VPS41: variants seen among roughly 807,000 people sequenced by gnomAD.
VPS41 encodes vacuolar protein sorting-associated protein 41 homolog.
A neutral mutation model predicts 130.9 loss-of-function variants in VPS41; 85 were observed. That is an observed-to-expected ratio of 0.65 (90% confidence interval 0.55 to 0.78). The LOEUF (loss-of-function observed/expected upper bound fraction) is 0.78, where lower values mean the gene tolerates loss of function less well. VPS41 is among the 30% of genes least tolerant of loss of function. The pLI is 0.00. For synonymous variants in VPS41, 335 were observed against 332.9 expected, an observed-to-expected ratio of 1.01 and a Z score of -0.07; for missense variants, 874 against 1,018.7, an observed-to-expected ratio of 0.86 and a Z score of 1.93.
In VPS41 at chr7:38,789,832, C is replaced by T; in HGVS notation, c.753G>A (p.Met251Ile). ...CAACATATCGACTTGGCAAATCCCT[C>T]ATTTCACTGGCATGCCGTTCCTTCA... ...CSVKERHASE[M>I]RDLPSRYVEI... is the part of the protein sequence containing the mutation. Residue 251 changes from methionine to isoleucine, a missense_variant, in exon 10 of 29, where the codon ATG (methionine) becomes ATA (isoleucine). By Grantham distance (10) the Met-to-Ile change is conservative (BLOSUM62 1). Transcript: ENST00000310301. 1.2e-6 allele frequency: 2 copies of T among 1,613,806 alleles called. No individual in the cohort carries two copies. Among genetic ancestry groups the T allele is most frequent in the Non-Finnish European group, 1.7e-6 (2 of 1,179,754 alleles).
intron 27 of VPS41, 148 bp downstream of exon 27, chr7:38,728,394 A>T (rs1045382056): frequency 1.1e-6 from 1 of 879,786 alleles, no homozygotes; most frequent in Non-Finnish European, 1.9e-6. Context: ...CATTCCACTG[A>T]GCAGGATGGA....
intron 10 of VPS41, among the ~76,000 whole-genome samples, chr7:38,782,617 C>T (rs1017888232): frequency 2.0e-5 from 3 of 152,166 alleles, no homozygotes; most frequent in Non-Finnish European, 4.4e-5. Flanking sequence ...TGCTGTTATA[C>T]ATGTTTTAAT....
chr7:38,906,498 C>T (rs1449351994), intron 1 of VPS41, among the ~76,000 whole-genome samples: 3 of 152,088 alleles, frequency 2.0e-5, no homozygotes, highest in African/African-American at 7.2e-5. Context: ...ACCACCATGC[C>T]TGGCTAATTT....
intron 2 of VPS41, among the ~76,000 whole-genome samples, chr7:38,886,439 G>T (rs781441079): frequency 1.6e-4 from 25 of 152,212 alleles, no homozygotes; most frequent in Non-Finnish European, 3.7e-4. Context: ...CCGGAGCTTG[G>T]TGGGGGGAGG....
chr7:38,795,998 GA>G (rs1378557878), intron 8 of VPS41, among the ~76,000 whole-genome samples: 2 of 152,118 alleles, frequency 1.3e-5, no homozygotes, highest in Non-Finnish European at 2.9e-5. Flanking sequence ...CCTATATAAA[GA>G]AAACTACATC....
At chr7:38,757,402 G>A (rs116760171) in intron 18 of VPS41, among the ~76,000 whole-genome samples, 2 of 152,094 alleles carry the variant, frequency 1.3e-5, no homozygotes, top group Non-Finnish European at 2.9e-5. Flanking sequence ...TTTTAAGGGG[G>A]CTGTGTCTAA....
At chr7:38,736,709 G>A (rs1421445855) in intron 25 of VPS41, among the ~76,000 whole-genome samples, 1 of 152,216 alleles carries the variant, frequency 6.6e-6, no homozygotes, top group Non-Finnish European at 1.5e-5. Context: ...TAACATAAAT[G>A]AAGTACCTCA....
At chr7:38,843,324 G>A (rs1785651106) in intron 4 of VPS41, among the ~76,000 whole-genome samples, 1 of 152,104 alleles carries the variant, frequency 6.6e-6, no homozygotes, top group South Asian at 2.1e-4. Flanking sequence ...TTATATTTCA[G>A]AATTAACATG....
intron 10 of VPS41, among the ~76,000 whole-genome samples, chr7:38,779,423 A>G (rs1784318778): frequency 6.6e-6 from 1 of 152,204 alleles, no homozygotes; most frequent in African/African-American, 2.4e-5. Context: ...TGATTCTCAA[A>G]TTAAGAATTC....
At chr7:38,873,882 T>A (rs1473720029) in intron 2 of VPS41, among the ~76,000 whole-genome samples, 1 of 152,194 alleles carries the variant, frequency 6.6e-6, no homozygotes, top group African/African-American at 2.4e-5. Flanking sequence ...AAATTACTTT[T>A]AAGGATAACA....
rs1584397296 is a variant in VPS41, at chr7:38,790,071, A to G, written c.718-204T>C. ...ATTCACCAACTTTATTCCTCAATAA[A>G]GCCTGATTCACATAAGTTCAGCTTT... On this transcript the variant is annotated intron_variant, in intron 9 of 28. Transcript: ENST00000310301. Among the ~76,000 whole-genome samples the G allele has an allele frequency of 2.0e-5, 3 of 152,348 alleles. No individual in the cohort carries two copies. The South Asian group carries it at 6.2e-4, about 32-fold the overall frequency.
intron 7 of VPS41, among the ~76,000 whole-genome samples, chr7:38,807,055 C>T (rs1247926654): frequency 3.9e-5 from 6 of 152,200 alleles, no homozygotes; most frequent in Admixed American, 2.0e-4. Flanking sequence ...CAGACTGCTG[C>T]TTCTTTACCA....
chr7:38,804,645 T>C (rs1474117752), intron 7 of VPS41, among the ~76,000 whole-genome samples: 1 of 152,220 alleles, frequency 6.6e-6, no homozygotes, highest in African/African-American at 2.4e-5. Context: ...TAGGAGCAGC[T>C]TTCTTTGCAT....
chr7:38,841,430 G>T (rs1785605876), intron 4 of VPS41, among the ~76,000 whole-genome samples: 1 of 152,130 alleles, frequency 6.6e-6, no homozygotes, highest in Non-Finnish European at 1.5e-5. Context: ...ACAAGAAATG[G>T]GTCTTCTACC....
Position 38,776,671 on chromosome 7 carries a change from A to C in VPS41, c.882+8T>G. The C allele has an allele frequency of 1.3e-6, 2 of 1,561,746 alleles. No homozygotes were observed. The highest frequency in any genetic ancestry group is 1.8e-6 in the Non-Finnish European group (2 of 1,132,936). On this transcript the variant is annotated splice_region_variant and intron_variant, in intron 11 of 28. Transcript: ENST00000310301. ...ACATGCCTTTGTATCTGGGGAGAAA[A>C]TAATTACCGTTTTTTCTGAAATCTC...
intron 4 of VPS41, among the ~76,000 whole-genome samples, chr7:38,839,128 G>T (rs1319900647): frequency 6.6e-6 from 1 of 152,170 alleles, no homozygotes; most frequent in Non-Finnish European, 1.5e-5. Flanking sequence ...ACATCCACAT[G>T]GTTGCCTATG....
intron 5 of VPS41, among the ~76,000 whole-genome samples, chr7:38,821,706 C>CAG (rs370526256): frequency 5.1e-5 from 6 of 117,550 alleles, no homozygotes; most frequent in Non-Finnish European, 6.7e-5. Context: ...GACTCCGTCT[C>CAG]AAAAAAAAAA....
chr7:38,833,354 GCCT>G (rs757134840), intron 4 of VPS41, among the ~76,000 whole-genome samples: 4 of 152,086 alleles, frequency 2.6e-5, no homozygotes, highest in Admixed American at 6.6e-5. Context: ...CCCTCCAATG[GCCT>G]CCTATCTCAA....
intron 22 of VPS41, among the ~76,000 whole-genome samples, chr7:38,746,929 C>T (rs943397210): frequency 6.6e-6 from 1 of 152,160 alleles, no homozygotes; most frequent in Non-Finnish European, 1.5e-5. Context: ...GAGGAAGGAG[C>T]CCCGGTCTCT....
Sources: allele counts gnomAD v4.1 joint callset (sites outside exome capture counted in the v4.1 genomes callset), GRCh38; gene constraint gnomAD v4.1.1; transcripts MANE v1.5; gene names NCBI Gene and HGNC (gene_info 2026-07-23, HGNC 2026-07-21).